STOX2: variants seen among roughly 807,000 people sequenced by gnomAD.
STOX2 encodes storkhead box 2, also known as storkhead-box protein 2.
In STOX2, 28 loss-of-function variants were observed where a neutral mutation model predicts 60.9. The ratio of observed to expected loss-of-function variants is 0.46; its 90% CI spans 0.34 to 0.63. STOX2 has a LOEUF of 0.63. STOX2 is among the 30% of genes least tolerant of loss of function. The pLI is 0.01. For synonymous variants in STOX2, 472 were observed against 463.9 expected, an observed-to-expected ratio of 1.02 and a Z score of -0.22; for missense variants, 1,024 against 1,187.7, an observed-to-expected ratio of 0.86 and a Z score of 2.03.
At chr4:183,964,603 T>C (rs1459347842) in intron 1 of STOX2, among the ~76,000 whole-genome samples, 1 of 152,192 alleles carries the variant, frequency 6.6e-6, no homozygotes, top group African/African-American at 2.4e-5. Flanking sequence ...TTTGTTTTGC[T>C]TTTTGAGACA....
chr4:183,984,052 C>T (rs1227927138), intron 1 of STOX2, among the ~76,000 whole-genome samples: 1 of 152,222 alleles, frequency 6.6e-6, no homozygotes, highest in Non-Finnish European at 1.5e-5. Flanking sequence ...CCACCTCCCT[C>T]CCATCCACAC....
chr4:183,934,657 G>A (rs934225567), intron 1 of STOX2, among the ~76,000 whole-genome samples: 1 of 152,004 alleles, frequency 6.6e-6, no homozygotes, highest in Admixed American at 6.6e-5. Flanking sequence ...CAGCCTCAAC[G>A]AGCCTCCTTT....
chr4:183,848,203 A>C (rs558340440), intron 1 of STOX2, among the ~76,000 whole-genome samples: 1 of 152,342 alleles, frequency 6.6e-6, no homozygotes, highest in African/African-American at 2.4e-5. Context: ...GGTAAGAGCC[A>C]GAGTAGTGGC....
At chr4:183,957,176 A>C (rs1467462578) in intron 1 of STOX2, among the ~76,000 whole-genome samples, 1 of 149,628 alleles carries the variant, frequency 6.7e-6, no homozygotes, top group Non-Finnish European at 1.5e-5. Flanking sequence ...AATAATAATA[A>C]TAATAATAAA....
At chr4:183,840,020 CTT>C (rs1430759404) in intron 1 of STOX2, among the ~76,000 whole-genome samples, 1 of 151,846 alleles carries the variant, frequency 6.6e-6, no homozygotes, top group African/African-American at 2.4e-5. Flanking sequence ...GCAAGGATTT[CTT>C]TGTTTTTCAT....
intron 3 of STOX2, among the ~76,000 whole-genome samples, chr4:184,013,419 G>A (rs1348137444): frequency 6.6e-6 from 1 of 152,146 alleles, no homozygotes; most frequent in Non-Finnish European, 1.5e-5. Flanking sequence ...GTTTTGTCAT[G>A]GCAGAAGGTA....
chr4:183,802,793 T>C (rs1738797419), intron 1 of STOX2, among the ~76,000 whole-genome samples: 1 of 152,142 alleles, frequency 6.6e-6, no homozygotes, highest in African/African-American at 2.4e-5. Flanking sequence ...GGCTGATTTT[T>C]TGTATTTTTA....
chr4:183,924,079 G>A (rs1036269309), intron 1 of STOX2, among the ~76,000 whole-genome samples: 4 of 152,184 alleles, frequency 2.6e-5, no homozygotes, highest in African/African-American at 9.7e-5. Context: ...TGATTCTGAT[G>A]TACAGTTAGG....
chr4:183,913,951 A>G (rs1579409149), intron 1 of STOX2, among the ~76,000 whole-genome samples: 2 of 152,148 alleles, frequency 1.3e-5, no homozygotes, highest in Non-Finnish European at 1.5e-5. Context: ...TAAAGAAACA[A>G]TTTTGCATTT....
chr4:183,872,663 A>T (rs943477916), intron 1 of STOX2, among the ~76,000 whole-genome samples: 1 of 152,214 alleles, frequency 6.6e-6, no homozygotes, highest in African/African-American at 2.4e-5. Context: ...GCTCAGAAGC[A>T]TATGACATAG....
At chr4:183,848,687 G>A (rs1390898023) in intron 1 of STOX2, among the ~76,000 whole-genome samples, 1 of 152,224 alleles carries the variant, frequency 6.6e-6, no homozygotes, top group African/African-American at 2.4e-5. Context: ...GCAGGTACCT[G>A]CTCTGTCCTA....
chr4:183,952,663 CAATTTTGT>C (rs1265748966), intron 1 of STOX2, among the ~76,000 whole-genome samples: 1 of 152,114 alleles, frequency 6.6e-6, no homozygotes, highest in Non-Finnish European at 1.5e-5. Context: ...TGTGGAGCAC[CAATTTTGT>C]GATACTTGGG....
chr4:184,006,813 G>A (rs1395678132), intron 2 of STOX2, among the ~76,000 whole-genome samples: 2 of 150,648 alleles, frequency 1.3e-5, no homozygotes, highest in African/African-American at 4.9e-5. Context: ...TCAGCAGATC[G>A]AAACCATCCC....
intron 1 of STOX2, among the ~76,000 whole-genome samples, chr4:183,936,551 G>C (rs894693353): frequency 6.6e-6 from 1 of 151,728 alleles, no homozygotes; most frequent in African/African-American, 2.4e-5. Context: ...CCAAAGCACT[G>C]AATTGTGATT....
At chr4:183,950,331 AC>A in intron 1 of STOX2, among the ~76,000 whole-genome samples, 1 of 152,318 alleles carries the variant, frequency 6.6e-6, no homozygotes, top group Admixed American at 6.5e-5. Flanking sequence ...TCATGGACCT[AC>A]AGATTAGTGG....
At chr4:184,012,566 T>G (rs1174022134) in intron 3 of STOX2, among the ~76,000 whole-genome samples, 1 of 152,232 alleles carries the variant, frequency 6.6e-6, no homozygotes, top group Non-Finnish European at 1.5e-5. Flanking sequence ...TAGGCCTTTG[T>G]GATTTATTAA....
chr4:183,878,933 G>GTTT (rs61339222), intron 1 of STOX2, among the ~76,000 whole-genome samples: 2 of 137,848 alleles, frequency 1.5e-5, no homozygotes, highest in Non-Finnish European at 3.2e-5. Context: ...CTCATGGATA[G>GTTT]TTTTTTTTTT....
chr4:183,969,456 A>G (rs901741404), intron 1 of STOX2, among the ~76,000 whole-genome samples: 18 of 152,212 alleles, frequency 1.2e-4, no homozygotes, highest in Non-Finnish European at 2.6e-4. Context: ...AAATACAGCA[A>G]CACGGTTTGC....
chr4:183,994,341 G>A (rs545565643), intron 1 of STOX2, among the ~76,000 whole-genome samples: 15 of 152,314 alleles, frequency 9.8e-5, no homozygotes, highest in Admixed American at 3.9e-4. Context: ...GAGAACAAAA[G>A]GGGCACACAT....
Sources: gnomAD v4.1 joint callset for allele counts (sites outside exome capture counted in the v4.1 genomes callset) on GRCh38, gnomAD v4.1.1 for gene constraint, MANE v1.5 for transcripts, NCBI Gene and HGNC (gene_info 2026-07-23, HGNC 2026-07-21) for gene names.